PLSCR2: variants seen among roughly 807,000 people sequenced by gnomAD.
The protein encoded by PLSCR2 is phospholipid scramblase 2.
Under a neutral mutation model 25.3 loss-of-function variants are expected in PLSCR2, and 18 were observed. The ratio of observed to expected loss-of-function variants is 0.71; its 90% CI spans 0.49 to 1.06. The LOEUF is 1.06. Among genes scored for constraint, PLSCR2 ranks in the 50% least tolerant of loss-of-function variants. PLSCR2 has a pLI of 0.00. For synonymous variants in PLSCR2, 88 were observed against 87.3 expected (o/e 1.01, Z -0.04); for missense variants, 243 against 269.5 (o/e 0.90, Z 0.69).
At chr3:146,478,565 A>G (rs184669670) in intron 1 of PLSCR2, among the ~76,000 whole-genome samples, 2 of 152,214 alleles carry the variant, frequency 1.3e-5, no homozygotes. Flanking sequence ...AAGAAACTAA[A>G]AAAAGCCTCC....
intron 1 of PLSCR2, among the ~76,000 whole-genome samples, chr3:146,487,811 GA>G (rs1240168957): frequency 6.6e-6 from 1 of 151,596 alleles, no homozygotes; most frequent in South Asian, 2.1e-4. Flanking sequence ...CACAGAATTA[GA>G]AAAAAAACTG....
upstream of PLSCR2, among the ~76,000 whole-genome samples, chr3:146,462,274 T>C (rs114688948): frequency 7.3e-3 from 1,117 of 152,042 alleles, 14 homozygotes; most frequent in African/African-American, 0.026. Flanking sequence ...TTATTTTCTA[T>C]GGAGACAAGG....
At chr3:146,485,205 G>A (rs921996263) in intron 1 of PLSCR2, among the ~76,000 whole-genome samples, 4 of 151,560 alleles carry the variant, frequency 2.6e-5, no homozygotes, top group African/African-American at 9.7e-5. Flanking sequence ...GACAAAGGAG[G>A]ACATTACATA....
chr3:146,455,456 A>C (rs764619350), exon 4 of PLSCR2: 4 of 1,581,114 alleles, frequency 2.5e-6, no homozygotes, highest in Non-Finnish European at 3.5e-6. Context: ...AAAACTGAAT[A>C]GAACTAAAAA....
intron 1 of PLSCR2, among the ~76,000 whole-genome samples, chr3:146,472,556 C>T (rs562707959): frequency 3.3e-5 from 5 of 152,272 alleles, no homozygotes; most frequent in South Asian, 2.1e-4. Flanking sequence ...ATCTTCTCAC[C>T]GGGTCCTCAC....
At chr3:146,465,227 T>C (rs1357232440), upstream of PLSCR2, among the ~76,000 whole-genome samples, 1 of 152,204 alleles carries the variant, frequency 6.6e-6, no homozygotes, top group Non-Finnish European at 1.5e-5. Context: ...AAAAACTGAC[T>C]ATTCTGCAAT....
chr3:146,458,968 T>A (rs892289561), intron 2 of PLSCR2, among the ~76,000 whole-genome samples: 3 of 152,134 alleles, frequency 2.0e-5, no homozygotes, highest in Admixed American at 6.5e-5. Context: ...GAAAATTAAG[T>A]TATTATAAAG....
chr3:146,483,457 A>ATATATATATATATATACATGTG lies in PLSCR2; in HGVS notation c.-293+12416_-293+12437dup, dbSNP rs1560054842. Among the ~76,000 whole-genome samples, 25 of 57,962 alleles carry ATATATATATATATATACATGTG rather than the reference A, an allele frequency of 4.3e-4. No homozygotes were observed. The South Asian group carries it at 0.011, about 25-fold the overall frequency. The allele number at this position is 57,962 out of a possible 152,430, so 38.0% of individuals were successfully genotyped here. On this transcript the variant is annotated intron_variant, in intron 1 of 8. Transcript: ENST00000336685. The stretch of plus-strand genomic sequence containing the variant: ...TATATATATATACACATGTATGTAT[A>ATATATATATATATATACATGTG]TATATATATATATATACATGTGTAT...
chr3:146,481,619 A>G (rs947516356), intron 1 of PLSCR2, among the ~76,000 whole-genome samples: 2 of 152,234 alleles, frequency 1.3e-5, no homozygotes, highest in Non-Finnish European at 2.9e-5. Context: ...GCTCATGGAT[A>G]GGAAGAATCA....
chr3:146,482,096 A>C (rs1181606446), intron 1 of PLSCR2, among the ~76,000 whole-genome samples: 2 of 152,230 alleles, frequency 1.3e-5, no homozygotes, highest in Non-Finnish European at 2.9e-5. Flanking sequence ...ATAATGACTT[A>C]AATTTTAGAC....
At chr3:146,479,769 T>C (rs940782968) in intron 1 of PLSCR2, among the ~76,000 whole-genome samples, 2 of 152,264 alleles carry the variant, frequency 1.3e-5, no homozygotes, top group African/African-American at 4.8e-5. Flanking sequence ...CCACCCCAAA[T>C]CAGTAGAATA....
chr3:146,407,112 A>C (rs1265021528), intron 2 of PLSCR2, among the ~76,000 whole-genome samples: 1 of 152,188 alleles, frequency 6.6e-6, no homozygotes, highest in African/African-American at 2.4e-5. Context: ...AATTTTCACC[A>C]GTTTTTAAGA....
intron 2 of PLSCR2, among the ~76,000 whole-genome samples, chr3:146,406,279 G>A (rs569800869): frequency 6.6e-6 from 1 of 152,132 alleles, no homozygotes; most frequent in Non-Finnish European, 1.5e-5. Context: ...CAGGACAGAG[G>A]TAAAAGTCAA....
chr3:146,406,235 T>C (rs1035426521), intron 2 of PLSCR2, among the ~76,000 whole-genome samples: 12 of 152,190 alleles, frequency 7.9e-5, no homozygotes, highest in Admixed American at 7.9e-4. Flanking sequence ...GAAAAACTGA[T>C]AAGTATCTCG....
At chr3:146,457,161 T>C (rs191052874) in intron 3 of PLSCR2, among the ~76,000 whole-genome samples, 2 of 152,214 alleles carry the variant, frequency 1.3e-5, no homozygotes, top group Non-Finnish European at 2.9e-5. Flanking sequence ...TATATGTTAA[T>C]GAAATTCATT....
chr3:146,408,100 A>G (rs2108026383), intron 2 of PLSCR2, among the ~76,000 whole-genome samples: 1 of 152,268 alleles, frequency 6.6e-6, no homozygotes, highest in South Asian at 2.1e-4. Context: ...CAGCATGAGG[A>G]GCCGTAAGGG....
chr3:146,395,312 G>T (rs572565067), intron 3 of PLSCR2, among the ~76,000 whole-genome samples: 2 of 152,286 alleles, frequency 1.3e-5, no homozygotes, highest in East Asian at 3.9e-4. Context: ...TATATAAGTT[G>T]TGAGAAAGAG....
intron 1 of PLSCR2, among the ~76,000 whole-genome samples, chr3:146,476,256 G>A (rs907099382): frequency 3.3e-5 from 5 of 152,152 alleles, no homozygotes; most frequent in African/African-American, 1.2e-4. Flanking sequence ...GTAAGGAAAT[G>A]CAGTGTGGTG....
chr3:146,436,385 A>C (rs2039860656), intron 8 of PLSCR2, among the ~76,000 whole-genome samples: 1 of 152,136 alleles, frequency 6.6e-6, no homozygotes, highest in Admixed American at 6.5e-5. Flanking sequence ...TTTTCATGAT[A>C]CTGATTCTTC....
Sources: allele counts gnomAD v4.1 joint callset (sites outside exome capture counted in the v4.1 genomes callset), GRCh38; gene constraint gnomAD v4.1.1; transcripts MANE v1.5; gene names NCBI Gene and HGNC (gene_info 2026-07-23, HGNC 2026-07-21).